Variants in ZNG1B observed in about 807,000 individuals in gnomAD.
ZNG1B encodes Zn regulated GTPase metalloprotein activator 1B.
the ZNG1B span, among the ~76,000 whole-genome samples, chr2:113,439,645 C>T: frequency 6.6e-6 from 1 of 152,202 alleles, no homozygotes; most frequent in Non-Finnish European, 1.5e-5. Context: ...CTGGATCTTG[C>T]CAACCTTTCC....
At chr2:113,450,395 C>T in the ZNG1B span, among the ~76,000 whole-genome samples, 1 of 149,234 alleles carries the variant, frequency 6.7e-6, no homozygotes, top group Non-Finnish European at 1.5e-5. Flanking sequence ...ATTCTGTTTT[C>T]TCCAGTGTCT....
At chr2:113,438,884 A>G in the ZNG1B span, 18 of 1,062,300 alleles carry the variant, frequency 1.7e-5, no homozygotes, top group African/African-American at 2.2e-4. Flanking sequence ...GACTTGGGCC[A>G]CTTCGTGACC....
the ZNG1B span, among the ~76,000 whole-genome samples, chr2:113,489,062 C>T: frequency 1.3e-5 from 2 of 151,382 alleles, no homozygotes; most frequent in African/African-American, 2.4e-5. Context: ...GGCACATTGT[C>T]GTCAGGTTAT....
the ZNG1B span, among the ~76,000 whole-genome samples, chr2:113,442,599 T>C: frequency 6.6e-6 from 1 of 152,208 alleles, no homozygotes; most frequent in African/African-American, 2.4e-5. Flanking sequence ...ACTGATTACA[T>C]TTATTCTTAC....
At chr2:113,473,615 C>T in the ZNG1B span, among the ~76,000 whole-genome samples, 2 of 150,956 alleles carry the variant, frequency 1.3e-5, no homozygotes, top group South Asian at 4.2e-4. Flanking sequence ...ATGATATTGG[C>T]TGTGGGTTTG....
At chr2:113,483,276 T>A in the ZNG1B span, among the ~76,000 whole-genome samples, 339 of 151,034 alleles carry the variant, frequency 2.2e-3, 2 homozygotes, top group African/African-American at 7.8e-3. Flanking sequence ...GCGGCCAGTG[T>A]CTCCATCCAT....
At chr2:113,454,709 A>T in the ZNG1B span, 4 of 1,569,454 alleles carry the variant, frequency 2.5e-6, no homozygotes, top group Admixed American at 6.8e-5. Context: ...CATTCTTTTT[A>T]AAAAGTGATT....
the ZNG1B span, chr2:113,481,946 T>C: frequency 2.0e-5 from 11 of 561,074 alleles, no homozygotes; most frequent in African/African-American, 1.3e-4. Flanking sequence ...CTCTTTATTC[T>C]GTGCATATGT....
At chr2:113,439,209 A>T in the ZNG1B span, 1 of 1,388,570 alleles carries the variant, frequency 7.2e-7, no homozygotes, top group Non-Finnish European at 9.8e-7. Context: ...GGATAGTTTC[A>T]CTCCTATCCC....
chr2:113,453,881 T>A, the ZNG1B span, among the ~76,000 whole-genome samples: 1 of 151,880 alleles, frequency 6.6e-6, no homozygotes, highest in Non-Finnish European at 1.5e-5. Flanking sequence ...TTTTATTTTC[T>A]CTTGAAGATA....
At chr2:113,473,566 A>G in the ZNG1B span, among the ~76,000 whole-genome samples, 2 of 151,870 alleles carry the variant, frequency 1.3e-5, no homozygotes, top group African/African-American at 2.4e-5. Flanking sequence ...TCTTGTGCCC[A>G]TTTTCAAAGG....
At chr2:113,462,861 G>A in the ZNG1B span, 2 of 328,380 alleles carry the variant, frequency 6.1e-6, no homozygotes, top group Non-Finnish European at 1.1e-5. Context: ...TACTCATAAT[G>A]TATTCTCACT....
At chr2:113,440,066 A>G in the ZNG1B span, among the ~76,000 whole-genome samples, 5 of 149,908 alleles carry the variant, frequency 3.3e-5, no homozygotes, top group Non-Finnish European at 7.4e-5. Context: ...TTGTATTTTT[A>G]GTAGAGACGG....
the ZNG1B span, among the ~76,000 whole-genome samples, chr2:113,471,913 T>C: frequency 6.7e-6 from 1 of 149,144 alleles, no homozygotes; most frequent in Non-Finnish European, 1.5e-5. Flanking sequence ...TCCAAGTCTT[T>C]GCTATTGTGA....
chr2:113,486,840 T>TG, the ZNG1B span, among the ~76,000 whole-genome samples: 1 of 152,208 alleles, frequency 6.6e-6, no homozygotes, highest in African/African-American at 2.4e-5. Flanking sequence ...TTTTCCAACT[T>TG]GCATTAAAAT....
chr2:113,489,689 C>T, the ZNG1B span, among the ~76,000 whole-genome samples: 1 of 151,986 alleles, frequency 6.6e-6, no homozygotes. Flanking sequence ...TGCAAACGGA[C>T]ACCAAGTGTG....
At chr2:113,478,628 A>T in the ZNG1B span, among the ~76,000 whole-genome samples, 1 of 146,258 alleles carries the variant, frequency 6.8e-6, no homozygotes, top group South Asian at 2.2e-4. Context: ...TTAAAAACTA[A>T]TTCTACTTTC....
the ZNG1B span, among the ~76,000 whole-genome samples, chr2:113,449,352 T>C: frequency 7.1e-6 from 1 of 140,892 alleles, no homozygotes; most frequent in Non-Finnish European, 1.5e-5. Context: ...GCTTTTGGCG[T>C]ATCTTGGCTT....
At chr2:113,488,653 A>G in the ZNG1B span, among the ~76,000 whole-genome samples, 1 of 151,346 alleles carries the variant, frequency 6.6e-6, no homozygotes, top group Admixed American at 6.6e-5. Context: ...TCAATGAACT[A>G]GATAGCATAA....
Sources: gnomAD v4.1 joint callset for allele counts (sites outside exome capture counted in the v4.1 genomes callset) on GRCh38, gnomAD v4.1.1 for gene constraint, MANE v1.5 for transcripts, NCBI Gene and HGNC (gene_info 2026-07-23, HGNC 2026-07-21) for gene names.